Variants in ZMYM2 observed in about 807,000 individuals in gnomAD.
ZMYM2 encodes the protein zinc finger MYM-type protein 2.
ZMYM2 carries 56 observed loss-of-function variants against 162.8 expected under a neutral mutation model. The ratio of observed to expected loss-of-function variants is 0.34; its 90% confidence interval spans 0.28 to 0.43. The LOEUF is 0.43. ZMYM2 is among the 20% of genes least tolerant of loss of function. ZMYM2 has a pLI of 1.00. For synonymous variants in ZMYM2, 510 were observed against 541.6 expected (o/e 0.94, Z 0.81); for missense variants, 1,275 against 1,621.8 (o/e 0.79, Z 3.67).
At chr13:20,020,846 C>T (rs769410532) in intron 7 of ZMYM2, among the ~76,000 whole-genome samples, 4 of 151,882 alleles carry the variant, frequency 2.6e-5, no homozygotes, top group Admixed American at 1.3e-4. Flanking sequence ...TTATGTTTTT[C>T]GTCTCTAAAA....
chr13:19,910,462 G>T, the ZMYM2 span, among the ~76,000 whole-genome samples: 1 of 151,882 alleles, frequency 6.6e-6, no homozygotes, highest in African/African-American at 2.4e-5. Flanking sequence ...ATGTTAGAGT[G>T]GATTTGTCAT....
At chr13:19,867,775 G>T in the ZMYM2 span, among the ~76,000 whole-genome samples, 2 of 152,072 alleles carry the variant, frequency 1.3e-5, no homozygotes, top group African/African-American at 2.4e-5. Flanking sequence ...ACAGGCATGC[G>T]CCACCACGTC....
the ZMYM2 span, among the ~76,000 whole-genome samples, chr13:19,917,219 C>T: frequency 1.3e-5 from 2 of 152,058 alleles, no homozygotes; most frequent in South Asian, 4.1e-4. Context: ...GCCTTGGCCT[C>T]CCAAAGTGCT....
intron 2 of ZMYM2, among the ~76,000 whole-genome samples, chr13:19,982,281 C>CTTTTTTTTTTTT (rs56165263): frequency 2.3e-5 from 2 of 86,256 alleles, no homozygotes; most frequent in Non-Finnish European, 4.5e-5. Context: ...TATTAGCTGT[C>CTTTTTTTTTTTT]TTTTTTTTTT....
At chr13:19,959,610 G>T (rs1481587644) in intron 1 of ZMYM2, among the ~76,000 whole-genome samples, 1 of 152,146 alleles carries the variant, frequency 6.6e-6, no homozygotes, top group Admixed American at 6.5e-5. Context: ...GAGTGACGGG[G>T]ATGACGCTGG....
chr13:19,980,049 T>C (rs1312668597), intron 2 of ZMYM2, among the ~76,000 whole-genome samples: 2 of 152,108 alleles, frequency 1.3e-5, no homozygotes, highest in Non-Finnish European at 2.9e-5. Context: ...ATCTTGTAAC[T>C]TTAAAATTAT....
At chr13:20,078,989 A>G (rs1957713650) in intron 21 of ZMYM2, among the ~76,000 whole-genome samples, 1 of 151,748 alleles carries the variant, frequency 6.6e-6, no homozygotes, top group African/African-American at 2.4e-5. Context: ...AGAGACCAGT[A>G]ACTCTTAAAA....
At chr13:19,873,597 C>T in the ZMYM2 span, among the ~76,000 whole-genome samples, 8 of 151,888 alleles carry the variant, frequency 5.3e-5, no homozygotes, top group East Asian at 1.9e-4. Flanking sequence ...TTAGTAGAGA[C>T]GGGGTTTTGC....
chr13:20,012,061 T>G lies in ZMYM2; in HGVS notation c.1512+5475T>G, dbSNP rs574523275. Among the ~76,000 whole-genome samples, 61 of 152,180 alleles carry G rather than the reference T, an allele frequency of 4.0e-4. 1 individual carries two copies. The highest frequency in any genetic ancestry group is 3.1e-3 in the Admixed American group (47 of 15,282). The stretch of plus-strand genomic sequence containing the variant: ...CACAGCGCCTGGGCTAATACTTGTA[T>G]TTTTAGTAGAGATGGGGTTCCACCA... On this transcript the variant is annotated intron_variant, in intron 6 of 24. Coordinates refer to ENST00000610343, the MANE Select transcript of ZMYM2 (RefSeq NM_197968.4).
At chr13:19,918,591 C>T in the ZMYM2 span, among the ~76,000 whole-genome samples, 25 of 149,010 alleles carry the variant, frequency 1.7e-4, 1 homozygote, top group South Asian at 3.0e-3. Flanking sequence ...CTCTGCCACC[C>T]GGGTTCAAGC....
chr13:19,890,652 C>T, the ZMYM2 span, among the ~76,000 whole-genome samples: 2 of 151,292 alleles, frequency 1.3e-5, no homozygotes, highest in African/African-American at 2.4e-5. Flanking sequence ...GGGCAGATCA[C>T]GAGGTCAGGA....
the ZMYM2 span, among the ~76,000 whole-genome samples, chr13:19,884,868 G>T: frequency 1.7e-4 from 26 of 152,198 alleles, no homozygotes; most frequent in African/African-American, 6.3e-4. Context: ...TTGCGGGTGC[G>T]GGTGGCCGGC....
chr13:19,979,872 A>G (rs970160955), intron 2 of ZMYM2, among the ~76,000 whole-genome samples: 1 of 152,162 alleles, frequency 6.6e-6, no homozygotes. Flanking sequence ...GATCCAAAGT[A>G]GTTGGTTTCA....
the ZMYM2 span, among the ~76,000 whole-genome samples, chr13:19,924,107 G>T: frequency 0.016 from 2,466 of 152,010 alleles, 66 homozygotes; most frequent in African/African-American, 0.056. Flanking sequence ...TTATATTGTC[G>T]TATAGCAGAT....
rs57294389 is a variant in ZMYM2, at chr13:20,032,599, C to CTTTTTT, written c.1968+1186_1968+1191dup. On this transcript the variant is annotated intron_variant, in intron 10 of 24. Transcript: ENST00000610343. ...CTGGATTACATGATTTTTTTTCTGT[C>CTTTTTT]TTTTTTTTTTTTTTTTTTTTTTTTT... 2.0e-4 allele frequency among the ~76,000 whole-genome samples: 13 copies of CTTTTTT among 66,032 alleles called. 1 individual carries two copies. The highest frequency in any genetic ancestry group is 4.7e-4 in the African/African-American group (7 of 14,756). The allele number at this position is 66,032 out of a possible 152,430, so 43.3% of individuals were successfully genotyped here. A position where few individuals can be genotyped will look rare whatever the true frequency, so the allele number is the denominator to read the frequency against.
At chr13:19,891,667 G>A in the ZMYM2 span, among the ~76,000 whole-genome samples, 2,350 of 150,426 alleles carry the variant, frequency 0.016, 69 homozygotes, top group African/African-American at 0.042. Flanking sequence ...ACTCCTACCT[G>A]CTGGAGAGGC....
intron 14 of ZMYM2, among the ~76,000 whole-genome samples, chr13:20,053,797 AAAGT>A (rs1259239563): frequency 6.6e-6 from 1 of 152,244 alleles, no homozygotes; most frequent in Non-Finnish European, 1.5e-5. Context: ...GAATCCTAGA[AAAGT>A]AAGAATACTT....
At chr13:20,045,068 A>AAAAAAAAAAAAC (rs1185855359) in intron 12 of ZMYM2, among the ~76,000 whole-genome samples, 1 of 151,312 alleles carries the variant, frequency 6.6e-6, no homozygotes, top group African/African-American at 2.4e-5. Context: ...AAAAAAAAAA[A>AAAAAAAAAAAAC]AAAAGCATGT....
Position 20,052,369 on chromosome 13 carries a change from T to C in ZMYM2, c.2493+58T>C, listed in dbSNP as rs963513904. 12 of 1,476,426 alleles carry C rather than the reference T, an allele frequency of 8.1e-6. No homozygotes were observed. The African/African-American group carries it at 1.7e-4, about 21-fold the overall frequency. The allele number at this position is 1,476,426 out of a possible 1,614,324, so 91.5% of individuals were successfully genotyped here. A position where few individuals can be genotyped will look rare whatever the true frequency, so the allele number is the denominator to read the frequency against. ...GATTTTTGTAATATGGGGTAAAAAA[T>C]AATTAGGCCAATTTAATGTGATCAT... On this transcript the variant is annotated intron_variant, in intron 14 of 24. Transcript: ENST00000610343.
Sources: gnomAD v4.1 joint callset for allele counts (sites outside exome capture counted in the v4.1 genomes callset) on GRCh38, gnomAD v4.1.1 for gene constraint, MANE v1.5 for transcripts, NCBI Gene and HGNC (gene_info 2026-07-23, HGNC 2026-07-21) for gene names.